Variants in COL4A4 observed in about 807,000 individuals in gnomAD.
The protein encoded by COL4A4 is collagen type IV alpha 4 chain.
A neutral mutation model predicts 192.9 loss-of-function variants in COL4A4; 105 were observed. That is an observed-to-expected ratio of 0.54 (90% CI 0.46 to 0.64). The LOEUF (loss-of-function observed/expected upper bound fraction) is 0.64. Among genes scored for constraint, COL4A4 ranks in the 30% least tolerant of loss-of-function variants. The probability of loss-of-function intolerance (pLI) is 0.00; values close to 1 mark genes in which losing one functional copy is unlikely to be tolerated. For missense variants in COL4A4, 1,967 were observed against 2,169.3 expected (o/e 0.91, Z 1.85); for synonymous variants, 762 against 769.9 (o/e 0.99, Z 0.17).
At chr2:227,108,525 C>G (rs1238499739) in intron 12 of COL4A4, 56 bp downstream of exon 12, 2 of 1,528,830 alleles carry the variant, frequency 1.3e-6, no homozygotes, top group Non-Finnish European at 1.8e-6. Context: ...AGCCTCCACC[C>G]CTGAGCAGCA....
chr2:226,983,746 G>A, the COL4A4 span, among the ~76,000 whole-genome samples: 2 of 152,022 alleles, frequency 1.3e-5, no homozygotes, highest in Non-Finnish European at 2.9e-5. Flanking sequence ...ATTTCAAATG[G>A]TCTTTGATTT....
chr2:227,023,625 A>G (rs1315102603), intron 43 of COL4A4, among the ~76,000 whole-genome samples: 1 of 152,230 alleles, frequency 6.6e-6, no homozygotes, highest in Admixed American at 6.5e-5. Context: ...TGAATGCTTT[A>G]TCATGTATCA....
chr2:227,140,169 C>T lies in COL4A4; in HGVS notation c.184G>A (p.Gly62Arg). ...GTCTTTACATCACTTACCCGAGACCCCTTTTCAGGAACACAGTGGCAAACA... is the reference window on the plus strand; with the variant it reads ...GTCTTTACATCACTTACCCGAGACCTCTTTTCAGGAACACAGTGGCAAACA... ...CSVCHCVPEK[G>R]SRGPPGPPGP... Residue 62 changes from glycine to arginine, a missense_variant, in exon 4 of 48, where the codon GGG becomes AGG. Transcript: ENST00000396625. The T allele has an allele frequency of 6.2e-7, 1 of 1,613,940 alleles. No individual in the cohort carries two copies.
chr2:227,149,647 A>AAC (rs141245090), intron 1 of COL4A4, among the ~76,000 whole-genome samples: 60,626 of 152,014 alleles, frequency 0.4, 12,282 homozygotes, highest in Admixed American at 0.44. Context: ...ATAAATAGGA[A>AAC]ACAGTCAAAA....
Position 227,002,735 on chromosome 2 carries a change from T to G in COL4A4, c.*4590A>C, listed in dbSNP as rs994009005. The stretch of plus-strand genomic sequence containing the variant: ...GTTGTTTTTGGAAGTCATCACAGAA[T>G]TTTATATATAATGAACCATATTATA... On this transcript the variant is annotated 3_prime_UTR_variant, in exon 48 of 48. Coordinates refer to ENST00000396625, the MANE Select transcript of COL4A4 (RefSeq NM_000092.5). 1.3e-5 allele frequency: 2 copies of G among 152,668 alleles called. No individual in the cohort carries two copies. Among genetic ancestry groups the G allele is most frequent in the Admixed American group, 6.5e-5 (1 of 15,288 alleles). The allele number at this position is 152,668 out of a possible 1,614,324, so 9.5% of individuals were successfully genotyped here.
At chr2:226,997,501 CA>C in the COL4A4 span, 1 of 152,256 alleles carries the variant, frequency 6.6e-6, no homozygotes, top group East Asian at 1.9e-4. Flanking sequence ...TCTTTCCACT[CA>C]CTCCCCGTCT....
chr2:227,118,195 A>G (rs1000810773), intron 7 of COL4A4, among the ~76,000 whole-genome samples: 1 of 152,100 alleles, frequency 6.6e-6, no homozygotes, highest in Non-Finnish European at 1.5e-5. Flanking sequence ...TCTTCCAACT[A>G]TTATAATAAG....
intron 25 of COL4A4, among the ~76,000 whole-genome samples, chr2:227,072,173 G>A (rs2058761002): frequency 6.6e-6 from 1 of 151,746 alleles, no homozygotes; most frequent in African/African-American, 2.4e-5. Flanking sequence ...AACAAGAAAA[G>A]AAGAGAGAAG....
chr2:227,078,916 T>C (rs1007041267), intron 24 of COL4A4, among the ~76,000 whole-genome samples: 5 of 152,180 alleles, frequency 3.3e-5, no homozygotes, highest in Admixed American at 6.5e-5. Context: ...CTGCTTATAG[T>C]AAAATCAATC....
At chr2:226,970,136 C>T in the COL4A4 span, among the ~76,000 whole-genome samples, 3 of 151,894 alleles carry the variant, frequency 2.0e-5, no homozygotes, top group Non-Finnish European at 4.4e-5. Context: ...AATAAAATCA[C>T]ATGGCCTCCT....
chr2:227,009,377 A>C (rs934576608), intron 46 of COL4A4, among the ~76,000 whole-genome samples: 4 of 152,214 alleles, frequency 2.6e-5, no homozygotes, highest in African/African-American at 4.8e-5. Context: ...CTTTGACTTG[A>C]AATCAGTCCC....
At chr2:227,023,725 C>T (rs984477870) in intron 43 of COL4A4, among the ~76,000 whole-genome samples, 1 of 152,160 alleles carries the variant, frequency 6.6e-6, no homozygotes, top group Non-Finnish European at 1.5e-5. Flanking sequence ...CAAGAACACT[C>T]AGGCTTCGCC....
chr2:227,088,505 GC>G, intron 22 of COL4A4, 147 bp downstream of exon 22: 1 of 1,005,872 alleles, frequency 9.9e-7, no homozygotes, highest in Non-Finnish European at 1.5e-6. Flanking sequence ...GTTTCCTGAG[GC>G]CTCCCCACCC....
intron 4 of COL4A4, among the ~76,000 whole-genome samples, chr2:227,121,763 T>C (rs1300374202): frequency 1.3e-5 from 2 of 152,214 alleles, no homozygotes; most frequent in Non-Finnish European, 2.9e-5. Flanking sequence ...GCAGTATGTA[T>C]GTATGTGTGT....
chr2:227,134,246 C>T (rs745352022), intron 4 of COL4A4, among the ~76,000 whole-genome samples: 4 of 152,164 alleles, frequency 2.6e-5, no homozygotes, highest in Non-Finnish European at 5.9e-5. Flanking sequence ...CAGCTGTTCC[C>T]CAAGGACATC....
intron 34 of COL4A4, 136 bp downstream of exon 34, chr2:227,049,932 T>C (rs1973713025): frequency 1.3e-5 from 10 of 786,346 alleles, no homozygotes; most frequent in Non-Finnish European, 2.2e-5. Context: ...AGTGTTTGAC[T>C]GTCTAACAAG....
At chr2:227,025,143 G>T (rs760756528) in intron 43 of COL4A4, among the ~76,000 whole-genome samples, 6 of 152,160 alleles carry the variant, frequency 3.9e-5, no homozygotes. Context: ...ATAATACATG[G>T]TGTCTATATT....
In COL4A4 at chr2:227,135,227, C is replaced by T. The variant is rs545443201; in HGVS notation, c.192+4934G>A. Among the ~76,000 whole-genome samples, 182 of 139,072 alleles carry T rather than the reference C, an allele frequency of 1.3e-3. 1 individual carries two copies. The South Asian group carries it at 0.02, about 15-fold the overall frequency. The allele number at this position is 139,072 out of a possible 152,430, so 91.2% of individuals were successfully genotyped here. A position where few individuals can be genotyped will look rare whatever the true frequency, so the allele number is the denominator to read the frequency against. ...ATCACAGAACCATGGGCTGCTAGAG[C>T]CGAGGGGACCAACCAGCCCCCTCTA... is the stretch of plus-strand genomic sequence containing the variant. On this transcript the variant is annotated intron_variant, in intron 4 of 47. Coordinates refer to ENST00000396625, the MANE Select transcript of COL4A4 (RefSeq NM_000092.5).
At chr2:227,111,065 C>T (rs1002584178) in intron 9 of COL4A4, among the ~76,000 whole-genome samples, 1 of 152,130 alleles carries the variant, frequency 6.6e-6, no homozygotes, top group African/African-American at 2.4e-5. Flanking sequence ...TCTGGGCGGC[C>T]CTCGGTGCCC....
Sources: allele counts gnomAD v4.1 joint callset (sites outside exome capture counted in the v4.1 genomes callset), GRCh38; gene constraint gnomAD v4.1.1; transcripts MANE v1.5; gene names NCBI Gene and HGNC (gene_info 2026-07-23, HGNC 2026-07-21).